MFAP5: variants seen among roughly 807,000 people sequenced by gnomAD.
The protein encoded by MFAP5 is microfibrillar-associated protein 5.
MFAP5 carries 19 observed loss-of-function variants against 30.1 expected under a neutral mutation model. The ratio of observed to expected loss-of-function variants is 0.63; its 90% CI spans 0.44 to 0.93. MFAP5 has a LOEUF of 0.93. Among genes scored for constraint, MFAP5 ranks in the 40% least tolerant of loss-of-function variants. The probability of loss-of-function intolerance (pLI) is 0.00; values close to 1 mark genes in which losing one functional copy is unlikely to be tolerated. For missense variants in MFAP5, 210 were observed against 221.3 expected (o/e 0.95, Z 0.32); for synonymous variants, 92 against 72.9 (o/e 1.26, Z -1.33).
chr12:8,655,487 G>C lies in MFAP5; in HGVS notation c.140-40C>G, dbSNP rs770449017. On this transcript the variant is annotated intron_variant, in intron 4 of 9. Transcript: ENST00000359478. ...AACAAGGAATGAAAAAATGCAGTCAGGAAAAGTAGCTAAGGAAAGCAGGAT... is the reference window on the plus strand; with the variant it reads ...AACAAGGAATGAAAAAATGCAGTCACGAAAAGTAGCTAAGGAAAGCAGGAT... 30 of 1,589,728 alleles carry C rather than the reference G, an allele frequency of 1.9e-5. 1 individual carries two copies. The South Asian group carries it at 3.4e-4, about 18-fold the overall frequency.
Position 8,655,826 on chromosome 12 carries a change from A to T in MFAP5, c.99T>A (p.Asp33Glu). Residue 33 changes from aspartate (D) to glutamate (E), a missense_variant, in exon 4 of 10, where the codon GAT (aspartate) becomes GAA (glutamate). Asp to Glu is a conservative substitution (Grantham distance 45). Transcript: ENST00000359478. ...PLGVNSQRGDDVTQATPETFT... is the reference protein window; with the variant it reads ...PLGVNSQRGDEVTQATPETFT... Reference sequence around the variant, plus strand: ...ATGTTTCTGGAGTCGCTTGAGTCACATCGTCTGAAAAGAAAATTAGAAAAC... The same window carrying T: ...ATGTTTCTGGAGTCGCTTGAGTCACTTCGTCTGAAAAGAAAATTAGAAAAC... 6.2e-7 allele frequency: 1 copy of T among 1,611,354 alleles called. No individual in the cohort carries two copies.
chr12:8,660,155 A>G (rs190851556), intron 3 of MFAP5, among the ~76,000 whole-genome samples: 17 of 151,614 alleles, frequency 1.1e-4, no homozygotes, highest in African/African-American at 3.6e-4. Context: ...TTGTGCCACA[A>G]TTTCACCTAG....
chr12:8,646,073 G>A lies in MFAP5; in HGVS notation c.*2018C>T, dbSNP rs1034829262. ...GGAAATGTTGCAATGTGGAGTAGGA[G>A]GGTCAAGTTCGTGAAGATATTCTTA... On this transcript the variant is annotated 3_prime_UTR_variant, in exon 10 of 10. Transcript: ENST00000359478. 1 of 152,638 alleles carries A rather than the reference G, an allele frequency of 6.6e-6. No homozygotes were observed. Among genetic ancestry groups the A allele is most frequent in the African/African-American group, 2.4e-5 (1 of 41,444 alleles). 9.5% of individuals were successfully genotyped at this position (152,638 alleles called of 1,614,324 possible). A position where few individuals can be genotyped will look rare whatever the true frequency, so the allele number is the denominator to read the frequency against.
At chr12:8,662,483 C>CG in intron 1 of MFAP5, 144 bp downstream of exon 1, 1 of 217,472 alleles carries the variant, frequency 4.6e-6, no homozygotes, top group Admixed American at 5.2e-5. Context: ...TCTCCTTCAT[C>CG]AGAATTCCAC....
At chr12:8,654,729 T>G (rs930938605) in intron 5 of MFAP5, among the ~76,000 whole-genome samples, 1 of 151,914 alleles carries the variant, frequency 6.6e-6, no homozygotes. Context: ...GTGGATCACT[T>G]GAGGTCAGGA....
chr12:8,649,547 C>T lies in MFAP5; in HGVS notation c.363G>A (p.Lys121=). Reference sequence around the variant, plus strand: ...TACAGACAAGACGAGAGCAGATCTCCTTGTTGACGATGTACATACGTCGTA... The same window carrying T: ...TACAGACAAGACGAGAGCAGATCTCTTTGTTGACGATGTACATACGTCGTA... ...TSLRRMYIVN[K]EICSRLVCKE... is the part of the protein sequence containing the mutation. Residue 121 remains lysine, a synonymous_variant, in exon 9 of 10, where the codon AAG becomes AAA. Transcript: ENST00000359478. The T allele has an allele frequency of 6.2e-7, 1 of 1,614,064 alleles. No individual in the cohort carries two copies. Among genetic ancestry groups the T allele is most frequent in the Non-Finnish European group, 8.5e-7 (1 of 1,180,012 alleles).
At chr12:8,655,386 A>ATT (rs34501309) in intron 5 of MFAP5, 29 bp downstream of exon 5, 212 of 1,316,494 alleles carry the variant, frequency 1.6e-4, no homozygotes, top group Middle Eastern at 5.8e-4. Flanking sequence ...GAACCATGCC[A>ATT]TTTTTTTTTT....
At chr12:8,659,256 C>T (rs944625359) in intron 3 of MFAP5, among the ~76,000 whole-genome samples, 1 of 151,108 alleles carries the variant, frequency 6.6e-6, no homozygotes, top group Non-Finnish European at 1.5e-5. Flanking sequence ...TGCAGTGAGC[C>T]GAGATCGCGC....
rs1299872063 is a variant in MFAP5, at chr12:8,646,326, A to G, written c.*1765T>C. The G allele has an allele frequency of 6.6e-6, 1 of 152,224 alleles. No homozygotes were observed. Among genetic ancestry groups the G allele is most frequent in the Non-Finnish European group, 1.5e-5 (1 of 68,040 alleles). 9.4% of individuals were successfully genotyped at this position (152,224 alleles called of 1,614,324 possible). A position where few individuals can be genotyped will look rare whatever the true frequency, so the allele number is the denominator to read the frequency against. ...TGATCATTTAACTAGTTTTCTCAGC[A>G]ATATAAAAGGAATACAACCTCCACT... On this transcript the variant is annotated 3_prime_UTR_variant, in exon 10 of 10. Coordinates refer to ENST00000359478, the MANE Select transcript of MFAP5 (RefSeq NM_003480.4).
chr12:8,659,504 G>A (rs890214352), intron 3 of MFAP5, among the ~76,000 whole-genome samples: 6 of 152,154 alleles, frequency 3.9e-5, no homozygotes, highest in Middle Eastern at 6.8e-3. Flanking sequence ...ACACAGGACT[G>A]GTTCCTAATC....
intron 3 of MFAP5, among the ~76,000 whole-genome samples, chr12:8,659,265 G>A (rs775498906): frequency 6.6e-5 from 10 of 150,762 alleles, no homozygotes; most frequent in Non-Finnish European, 8.8e-5. Context: ...CCGAGATCGC[G>A]CAATTGTACT....
chr12:8,650,715 T>C, intron 7 of MFAP5, 126 bp from the exon 8 acceptor site: 1 of 786,460 alleles, frequency 1.3e-6, no homozygotes, highest in Non-Finnish European at 2.1e-6. Flanking sequence ...CAGAGAATCA[T>C]TATAAATTGG....
At chr12:8,661,149 G>A (rs1369101696) in intron 2 of MFAP5, among the ~76,000 whole-genome samples, 2 of 152,082 alleles carry the variant, frequency 1.3e-5, no homozygotes, top group Non-Finnish European at 2.9e-5. Context: ...AAAAAGACAA[G>A]TTCCTGAGAA....
rs192270841 is a variant in MFAP5, at chr12:8,661,435, A to G, written c.59-537T>C. Among the ~76,000 whole-genome samples, 111 of 152,182 alleles carry G rather than the reference A, an allele frequency of 7.3e-4. 1 individual carries two copies. Among genetic ancestry groups the G allele is most frequent in the Middle Eastern group, 3.4e-3 (1 of 294 alleles). On this transcript the variant is annotated intron_variant, in intron 2 of 9. Coordinates refer to ENST00000359478, the MANE Select transcript of MFAP5 (RefSeq NM_003480.4). ...CTTTTCTCTTGTGTGTCAGTATGGC[A>G]TATATTTTTTGCATGCATGTGAGTA... is the stretch of plus-strand genomic sequence containing the variant.
rs1565526804 is a variant in MFAP5 at position 8,656,639 on chromosome 12, C to CACACAT, written c.95-810_95-809insATGTGT. Among the ~76,000 whole-genome samples the CACACAT allele has an allele frequency of 1.8e-3, 235 of 130,198 alleles. 14 individuals are homozygous for CACACAT. The highest frequency in any genetic ancestry group is 7.2e-3 in the African/African-American group (228 of 31,728). The allele number at this position is 130,198 out of a possible 152,430, so 85.4% of individuals were successfully genotyped here. A position where few individuals can be genotyped will look rare whatever the true frequency, so the allele number is the denominator to read the frequency against. On this transcript the variant is annotated intron_variant, in intron 3 of 9. Coordinates refer to ENST00000359478, the MANE Select transcript of MFAP5 (RefSeq NM_003480.4). The stretch of plus-strand genomic sequence containing the variant: ...ATATACACACATACACACACACACA[C>CACACAT]ACACACACACATATATATATATATA...
chr12:8,662,490 C>CTA, intron 1 of MFAP5, 137 bp downstream of exon 1: 1 of 221,398 alleles, frequency 4.5e-6, no homozygotes, highest in Admixed American at 5.2e-5. Context: ...CATCAGAATT[C>CTA]CACGGTTATT....
In MFAP5 at chr12:8,657,943, A is replaced by G. The variant is rs141120931; in HGVS notation, c.95-2113T>C. The stretch of plus-strand genomic sequence containing the variant: ...AAATCTGATGGGAACAAATATTTTT[A>G]TAAAGCATATCAGAGTTATGGATAA... On this transcript the variant is annotated intron_variant, in intron 3 of 9. Transcript: ENST00000359478. 2.4e-3 allele frequency among the ~76,000 whole-genome samples: 371 copies of G among 152,314 alleles called. 2 individuals are homozygous for G. Among genetic ancestry groups the G allele is most frequent in the Middle Eastern group, 0.014 (4 of 294 alleles).
At position 8,662,624 on chromosome 12, in the gene MFAP5, C is replaced by G. The variant is rs1942189907; in HGVS notation, c.-3+3G>C. ...TAGGGTTTCAGGTAATCAAATAACT[C>G]ACTGTCTATGGTGTTCTGCTCTTTC... On this transcript the variant is annotated splice_donor_region_variant and intron_variant, in intron 1 of 9. Coordinates refer to ENST00000359478, the MANE Select transcript of MFAP5 (RefSeq NM_003480.4). 6.3e-6 allele frequency: 1 copy of G among 157,810 alleles called. No homozygotes were observed. The highest frequency in any genetic ancestry group is 1.4e-5 in the Non-Finnish European group (1 of 71,390). The allele number at this position is 157,810 out of a possible 1,614,324, so 9.8% of individuals were successfully genotyped here.
At position 8,648,272 on chromosome 12, in the gene MFAP5, A is replaced by G. The variant is rs2136457973; in HGVS notation, c.410-69T>C. On this transcript the variant is annotated intron_variant, in intron 9 of 9. Transcript: ENST00000359478. ...AACAAAGGCTCTTGTTTTAAGGGAT[A>G]GAGAAGACTTTTCAGTGTGGTGTAG... 4 of 1,330,450 alleles carry G rather than the reference A, an allele frequency of 3.0e-6. 1 individual carries two copies. In the South Asian group the frequency reaches 5.0e-5, roughly 17 times the overall value. 82.4% of individuals were successfully genotyped at this position (1,330,450 alleles called of 1,614,324 possible). A position where few individuals can be genotyped will look rare whatever the true frequency, so the allele number is the denominator to read the frequency against.
Sources: gnomAD v4.1 joint callset for allele counts (sites outside exome capture counted in the v4.1 genomes callset) on GRCh38, gnomAD v4.1.1 for gene constraint, MANE v1.5 for transcripts, NCBI Gene and HGNC (gene_info 2026-07-23, HGNC 2026-07-21) for gene names.